CAMTA1: variants seen among roughly 807,000 people sequenced by gnomAD.
CAMTA1 encodes the protein calmodulin-binding transcription activator 1.
A neutral mutation model predicts 170.9 loss-of-function variants in CAMTA1; 27 were observed. The observed-to-expected ratio is 0.16, with a 90% CI of 0.12 to 0.22. The LOEUF is 0.22. Among genes scored for constraint, CAMTA1 ranks in the 10% least tolerant of loss-of-function variants. The pLI is 1.00. For missense variants in CAMTA1, 1,619 were observed against 2,217.2 expected (o/e 0.73, Z 5.42); for synonymous variants, 833 against 891.5 (o/e 0.93, Z 1.17).
At chr1:7,188,154 G>A (rs12129590) in intron 4 of CAMTA1, among the ~76,000 whole-genome samples, 17,635 of 152,086 alleles carry the variant, frequency 0.12, 1,312 homozygotes, top group Middle Eastern at 0.22. Context: ...ACAGCATGGT[G>A]GGGGGAACTG....
chr1:7,061,113 C>T (rs759146658), intron 3 of CAMTA1, among the ~76,000 whole-genome samples: 3 of 152,162 alleles, frequency 2.0e-5, no homozygotes, highest in African/African-American at 7.2e-5. Flanking sequence ...TTATTTGGCT[C>T]GCTGAGGAGA....
At chr1:7,542,842 TGTGTGTGTGTGTG>T (rs2094632005) in intron 6 of CAMTA1, among the ~76,000 whole-genome samples, 1 of 110,268 alleles carries the variant, frequency 9.1e-6, no homozygotes, top group East Asian at 3.8e-4. Context: ...AAACACAGTG[TGTGTGTGTGTGTG>T]TGTGTGTGTG....
chr1:7,548,387 G>A (rs927114296), intron 6 of CAMTA1, among the ~76,000 whole-genome samples: 1 of 151,864 alleles, frequency 6.6e-6, no homozygotes. Context: ...GGTGCCCATG[G>A]AGGGCACCCC....
At chr1:7,707,386 G>C (rs1365206842) in intron 11 of CAMTA1, among the ~76,000 whole-genome samples, 2 of 151,722 alleles carry the variant, frequency 1.3e-5, no homozygotes, top group African/African-American at 4.8e-5. Flanking sequence ...AAGGTGTGAG[G>C]CTCTTTTTGA....
intron 6 of CAMTA1, among the ~76,000 whole-genome samples, chr1:7,537,642 C>G (rs2094564983): frequency 6.6e-6 from 1 of 152,192 alleles, no homozygotes; most frequent in African/African-American, 2.4e-5. Context: ...AGGATCTTCC[C>G]TAGAAGCTTC....
At chr1:7,231,859 AGGCTTCTTATAGTG>A (rs1468492593) in intron 4 of CAMTA1, among the ~76,000 whole-genome samples, 1 of 152,200 alleles carries the variant, frequency 6.6e-6, no homozygotes, top group Non-Finnish European at 1.5e-5. Context: ...GTTAAAGGAA[AGGCTTCTTATAGTG>A]CAAACAAAGC....
intron 4 of CAMTA1, among the ~76,000 whole-genome samples, chr1:7,104,230 A>G (rs893704816): frequency 3.6e-5 from 5 of 139,880 alleles, no homozygotes; most frequent in Admixed American, 7.1e-5. Context: ...CAACACAACT[A>G]CACACGTGTA....
chr1:6,838,665 GT>G (rs1348308420), intron 3 of CAMTA1, among the ~76,000 whole-genome samples: 3 of 152,028 alleles, frequency 2.0e-5, no homozygotes, highest in South Asian at 2.1e-4. Flanking sequence ...CCCAGAATAG[GT>G]TTACTGTACA....
intron 1 of CAMTA1, among the ~76,000 whole-genome samples, chr1:6,815,342 C>T (rs1231360856): frequency 6.6e-6 from 1 of 152,024 alleles, no homozygotes; most frequent in East Asian, 1.9e-4. Context: ...TTAGCTGGGA[C>T]TGCAGGCACA....
intron 6 of CAMTA1, among the ~76,000 whole-genome samples, chr1:7,627,129 C>A (rs969927731): frequency 6.6e-6 from 1 of 152,050 alleles, no homozygotes. Context: ...GGATATTTTT[C>A]GGGAAAATGG....
intron 4 of CAMTA1, among the ~76,000 whole-genome samples, chr1:7,116,651 TTTC>T (rs943245311): frequency 1.5e-5 from 2 of 134,246 alleles, no homozygotes; most frequent in African/African-American, 5.3e-5. Context: ...CTTTTCTTTC[TTTC>T]TTTTTTTTTT....
At chr1:7,581,640 G>T (rs565142043) in intron 6 of CAMTA1, among the ~76,000 whole-genome samples, 5 of 152,216 alleles carry the variant, frequency 3.3e-5, no homozygotes, top group Non-Finnish European at 7.3e-5. Flanking sequence ...TGGGCCTTGC[G>T]GTCCTTGAGG....
chr1:7,615,082 C>A (rs112132704), intron 6 of CAMTA1, among the ~76,000 whole-genome samples: 2 of 152,272 alleles, frequency 1.3e-5, no homozygotes, highest in South Asian at 2.1e-4. Context: ...TTCATCCATA[C>A]GACGTGTTTG....
At chr1:7,009,513 A>G (rs1699489608) in intron 3 of CAMTA1, among the ~76,000 whole-genome samples, 1 of 152,124 alleles carries the variant, frequency 6.6e-6, no homozygotes, top group Non-Finnish European at 1.5e-5. Flanking sequence ...CTGCACTGCC[A>G]GGGCTGCCAG....
intron 5 of CAMTA1, among the ~76,000 whole-genome samples, chr1:7,269,428 C>G (rs1669373813): frequency 6.6e-6 from 1 of 152,134 alleles, no homozygotes; most frequent in Admixed American, 6.5e-5. Context: ...TTTTTGTAAC[C>G]TTATTACAGA....
chr1:7,488,593 T>A (rs1361431282), intron 6 of CAMTA1, among the ~76,000 whole-genome samples: 1 of 152,112 alleles, frequency 6.6e-6, no homozygotes, highest in African/African-American at 2.4e-5. Context: ...TGTGTACACA[T>A]ACATGCATGA....
At chr1:7,545,883 C>T (rs1168621835) in intron 6 of CAMTA1, among the ~76,000 whole-genome samples, 1 of 151,372 alleles carries the variant, frequency 6.6e-6, no homozygotes, top group Non-Finnish European at 1.5e-5. Flanking sequence ...TCCCCCCGGA[C>T]ATGTCCATGT....
rs1474180024 is a variant in CAMTA1 at position 7,321,096 on chromosome 1, C to T, written c.438+71470C>T. Among the ~76,000 whole-genome samples, 3 of 152,324 alleles carry T rather than the reference C, an allele frequency of 2.0e-5. No homozygotes were observed. The East Asian group carries it at 5.8e-4, about 29-fold the overall frequency. Reference sequence around the variant, plus strand: ...GTACTTGCTGCGGAATTGCAGGGTCCTTTCTCTTGGGCACCTGCCCATCTC... The same window carrying T: ...GTACTTGCTGCGGAATTGCAGGGTCTTTTCTCTTGGGCACCTGCCCATCTC... On this transcript the variant is annotated intron_variant, in intron 5 of 22. Coordinates refer to ENST00000303635, the MANE Select transcript of CAMTA1 (RefSeq NM_015215.4).
At chr1:6,847,820 C>G (rs1025621277) in intron 3 of CAMTA1, among the ~76,000 whole-genome samples, 1 of 151,766 alleles carries the variant, frequency 6.6e-6, no homozygotes, top group African/African-American at 2.4e-5. Context: ...TCTTCTGTCT[C>G]AGCCTCCTGA....
Sources: allele counts gnomAD v4.1 joint callset (sites outside exome capture counted in the v4.1 genomes callset), GRCh38; gene constraint gnomAD v4.1.1; transcripts MANE v1.5; gene names NCBI Gene and HGNC (gene_info 2026-07-23, HGNC 2026-07-21).